The following SYN3 variants were observed in gnomAD, a reference collection of about 807,000 sequenced individuals.
The protein encoded by SYN3 is synapsin III.
SYN3 carries 35 observed loss-of-function variants against 65.8 expected under a neutral mutation model. The observed-to-expected ratio is 0.53, with a 90% confidence interval of 0.41 to 0.70. The LOEUF (loss-of-function observed/expected upper bound fraction) is 0.70, where lower values mean the gene tolerates loss of function less well. Ranked by LOEUF, SYN3 falls within the 30% of genes least tolerant of loss-of-function variation. The pLI is 0.00. For missense variants in SYN3, 680 were observed against 749.0 expected, an observed-to-expected ratio of 0.91 and a Z score of 1.08; for synonymous variants, 270 against 292.9, an observed-to-expected ratio of 0.92 and a Z score of 0.80.
chr22:32,893,289 G>A (rs1461034079), intron 4 of SYN3, among the ~76,000 whole-genome samples: 1 of 152,184 alleles, frequency 6.6e-6, no homozygotes, highest in Non-Finnish European at 1.5e-5. Context: ...ACCTGGCACT[G>A]CCGTAGGCAC....
intron 6 of SYN3, among the ~76,000 whole-genome samples, chr22:32,804,304 G>A (rs1305688315): frequency 6.6e-6 from 1 of 152,128 alleles, no homozygotes; most frequent in Non-Finnish European, 1.5e-5. Flanking sequence ...CCCTCGCCTT[G>A]CACAGCACCC....
intron 1 of SYN3, among the ~76,000 whole-genome samples, chr22:33,015,840 C>CTTTTTTT (rs758927603): frequency 2.1e-5 from 3 of 139,982 alleles, no homozygotes; most frequent in Non-Finnish European, 1.5e-5. Flanking sequence ...GGCAAATTTT[C>CTTTTTTT]TTTTCTTTTT....
chr22:33,032,444 G>A (rs2053772003), intron 1 of SYN3, among the ~76,000 whole-genome samples: 1 of 151,888 alleles, frequency 6.6e-6, no homozygotes, highest in African/African-American at 2.4e-5. Flanking sequence ...GACGAAGGTT[G>A]CAATAAGCTG....
chr22:32,925,054 T>C (rs745530171), intron 4 of SYN3, among the ~76,000 whole-genome samples: 7 of 152,044 alleles, frequency 4.6e-5, no homozygotes, highest in Non-Finnish European at 1.0e-4. Flanking sequence ...ATCGCATCAC[T>C]GTACCCCAGC....
chr22:32,729,906 G>A (rs2061247278), intron 6 of SYN3, among the ~76,000 whole-genome samples: 1 of 152,050 alleles, frequency 6.6e-6, no homozygotes, highest in Non-Finnish European at 1.5e-5. Flanking sequence ...TACCCTATAG[G>A]GGCTGTAGTA....
intron 1 of SYN3, among the ~76,000 whole-genome samples, chr22:33,013,050 T>C (rs1455130411): frequency 6.6e-6 from 1 of 152,214 alleles, no homozygotes; most frequent in Non-Finnish European, 1.5e-5. Context: ...CTTCCATTTT[T>C]CAAATACCAG....
chr22:32,999,186 A>G (rs1456045464), intron 2 of SYN3, among the ~76,000 whole-genome samples: 1 of 152,200 alleles, frequency 6.6e-6, no homozygotes, highest in East Asian at 1.9e-4. Context: ...AAGTTACACA[A>G]GGGAGGTCGA....
intron 11 of SYN3, among the ~76,000 whole-genome samples, chr22:32,528,272 C>T (rs1170414931): frequency 1.3e-5 from 2 of 152,116 alleles, no homozygotes; most frequent in Non-Finnish European, 2.9e-5. Context: ...ATAATAACTA[C>T]GATTCTGATG....
intron 3 of SYN3, among the ~76,000 whole-genome samples, chr22:32,976,074 A>C (rs1223755997): frequency 6.6e-6 from 1 of 152,216 alleles, no homozygotes; most frequent in African/African-American, 2.4e-5. Context: ...AAATATTTTA[A>C]GGGGAATATC....
intron 6 of SYN3, among the ~76,000 whole-genome samples, chr22:32,631,705 C>T (rs2059749766): frequency 1.3e-5 from 2 of 152,196 alleles, no homozygotes; most frequent in African/African-American, 2.4e-5. Flanking sequence ...TTCAATATCT[C>T]ATTTAATCCT....
At chr22:32,894,573 C>T (rs535530371) in intron 4 of SYN3, among the ~76,000 whole-genome samples, 36 of 152,310 alleles carry the variant, frequency 2.4e-4, no homozygotes, top group African/African-American at 7.9e-4. Context: ...CCACCAGGCA[C>T]GACCCCGTCA....
rs199663400 is a variant in SYN3, at chr22:32,510,982, G to GGTGT, written c.*2709_*2710insACAC. Among the ~76,000 whole-genome samples the GGTGT allele has an allele frequency of 0.03, 3,037 of 102,344 alleles. 114 individuals are homozygous for GGTGT. Among genetic ancestry groups the GGTGT allele is most frequent in the African/African-American group, 0.12 (2,832 of 22,992 alleles). 67.1% of individuals were successfully genotyped at this position (102,344 alleles called of 152,430 possible). On this transcript the variant is annotated 3_prime_UTR_variant, in exon 14 of 14. Coordinates refer to ENST00000358763, the MANE Select transcript of SYN3 (RefSeq NM_003490.4). ...TTTGTCAATTCCAAGTTATTGTCCA[G>GGTGT]GCGTGTGTGTGTGTGTGTGTGTGTG...
chr22:33,033,847 A>G (rs952554945), intron 1 of SYN3, among the ~76,000 whole-genome samples: 6 of 152,124 alleles, frequency 3.9e-5, no homozygotes, highest in African/African-American at 1.4e-4. Flanking sequence ...CGCAAGGCCA[A>G]AGCCACAACA....
Position 32,518,238 on chromosome 22 carries a change from T to TG in SYN3, c.1414dup (p.Gln472ProfsTer47), listed in dbSNP as rs2057812836. On this transcript the variant is annotated frameshift_variant, in exon 13 of 14. Transcript: ENST00000358763. LOFTEE classifies it high-confidence loss of function. Reference sequence around the variant, plus strand: ...CCTTTGCTGCTGTGGAGATCCGGACTGGGGGCTCAGGGGCTGCTGGCCTTG... The same window carrying TG: ...CCTTTGCTGCTGTGGAGATCCGGACTGGGGGGCTCAGGGGCTGCTGGCCTTG... 1 of 1,613,368 alleles carries TG rather than the reference T, an allele frequency of 6.2e-7. No individual in the cohort carries two copies. The highest frequency in any genetic ancestry group is 1.3e-5 in the African/African-American group (1 of 74,772).
chr22:32,935,448 A>ATTTT (rs137556), intron 3 of SYN3, among the ~76,000 whole-genome samples: 70 of 124,060 alleles, frequency 5.6e-4, no homozygotes, highest in Admixed American at 4.9e-4. Context: ...TTGGTATGGT[A>ATTTT]TTTTTTTTTT....
At chr22:32,874,828 T>C (rs2048941107) in intron 4 of SYN3, among the ~76,000 whole-genome samples, 2 of 152,196 alleles carry the variant, frequency 1.3e-5, no homozygotes, top group African/African-American at 4.8e-5. Context: ...TTTCTCTTAA[T>C]TGTCTCCACA....
intron 6 of SYN3, among the ~76,000 whole-genome samples, chr22:32,764,095 A>G (rs941477280): frequency 1.3e-5 from 2 of 151,750 alleles, no homozygotes; most frequent in Non-Finnish European, 2.9e-5. Flanking sequence ...CCACCACCAC[A>G]CCCAGCTAAT....
chr22:33,030,490 CTG>C (rs1424813081), intron 1 of SYN3, among the ~76,000 whole-genome samples: 3 of 151,418 alleles, frequency 2.0e-5, no homozygotes, highest in South Asian at 2.1e-4. Context: ...TATAGAGAGA[CTG>C]TGACAGAGAC....
intron 6 of SYN3, among the ~76,000 whole-genome samples, chr22:32,629,283 C>T (rs543531022): frequency 7.9e-5 from 12 of 152,142 alleles, no homozygotes; most frequent in Non-Finnish European, 1.6e-4. Context: ...GAATGAAAGT[C>T]CAAGAAAATC....
Sources: allele counts gnomAD v4.1 joint callset (sites outside exome capture counted in the v4.1 genomes callset), GRCh38; gene constraint gnomAD v4.1.1; transcripts MANE v1.5; gene names NCBI Gene and HGNC (gene_info 2026-07-23, HGNC 2026-07-21).